The following SH3RF3 variants were observed in gnomAD, a reference collection of about 807,000 sequenced individuals.
SH3RF3 encodes SH3 domain containing ring finger 3.
In SH3RF3, 29 loss-of-function variants were observed where a neutral mutation model predicts 66.3. The ratio of observed to expected loss-of-function variants is 0.44; its 90% CI spans 0.33 to 0.60. The LOEUF (loss-of-function observed/expected upper bound fraction) is 0.60, where lower values mean the gene tolerates loss of function less well. Ranked by LOEUF, SH3RF3 falls within the 20% of genes least tolerant of loss-of-function variation. SH3RF3 has a pLI of 0.04. For synonymous variants in SH3RF3, 583 were observed against 532.0 expected (o/e 1.10, Z -1.32); for missense variants, 1,194 against 1,190.9 (o/e 1.00, Z -0.04).
At chr2:109,333,850 AATAATT>A (rs1682342349) in intron 1 of SH3RF3, among the ~76,000 whole-genome samples, 1 of 152,168 alleles carries the variant, frequency 6.6e-6, no homozygotes, top group African/African-American at 2.4e-5. Context: ...TTATAATATT[AATAATT>A]ATAATTATGA....
At chr2:109,220,768 A>C (rs1679210618) in intron 1 of SH3RF3, among the ~76,000 whole-genome samples, 1 of 152,194 alleles carries the variant, frequency 6.6e-6, no homozygotes, top group Non-Finnish European at 1.5e-5. Flanking sequence ...AGAAGATAAT[A>C]AGGGTTAGGA....
chr2:109,271,797 G>A (rs992657748), intron 1 of SH3RF3, among the ~76,000 whole-genome samples: 1 of 152,204 alleles, frequency 6.6e-6, no homozygotes. Context: ...CAATGTATCT[G>A]ACTATCTTTA....
At chr2:109,386,811 T>G (rs115365833) in intron 3 of SH3RF3, among the ~76,000 whole-genome samples, 2,161 of 152,240 alleles carry the variant, frequency 0.014, 46 homozygotes, top group African/African-American at 0.05. Context: ...TCTTAAAAAA[T>G]GACTGCATTC....
chr2:109,450,188 A>G lies in SH3RF3; in HGVS notation c.2148+699A>G, dbSNP rs1001711356. Among the ~76,000 whole-genome samples, 4 of 152,278 alleles carry G rather than the reference A, an allele frequency of 2.6e-5. No homozygotes were observed. The South Asian group carries it at 8.3e-4, about 32-fold the overall frequency. The stretch of plus-strand genomic sequence containing the variant: ...TGGCAAAACCCCATCTCTACTAAAA[A>G]TACAAAAATTAGCCAGGCATGGTGG... On this transcript the variant is annotated intron_variant, in intron 8 of 9. Transcript: ENST00000309415.
At chr2:109,496,307 GAGTGCTGATTGGTGCATTTTACAA>G (rs972971152) in intron 9 of SH3RF3, among the ~76,000 whole-genome samples, 21 of 152,234 alleles carry the variant, frequency 1.4e-4, no homozygotes, top group African/African-American at 4.3e-4. Context: ...GCATTTTACA[GAGTGCTGATTGGTGCATTTTACAA>G]TCCTCTTGCT....
intron 2 of SH3RF3, among the ~76,000 whole-genome samples, chr2:109,367,766 C>T (rs566974133): frequency 6.6e-6 from 1 of 152,188 alleles, no homozygotes; most frequent in South Asian, 2.1e-4. Context: ...TGAATGTCTT[C>T]AGTAACAAAT....
chr2:109,180,286 C>T (rs541021186), intron 1 of SH3RF3, among the ~76,000 whole-genome samples: 17 of 152,246 alleles, frequency 1.1e-4, no homozygotes, highest in African/African-American at 3.9e-4. Flanking sequence ...TCTCTGAGTC[C>T]GCTGCCTTTC....
intron 1 of SH3RF3, among the ~76,000 whole-genome samples, chr2:109,240,083 G>C (rs983466209): frequency 7.2e-5 from 11 of 152,184 alleles, no homozygotes; most frequent in African/African-American, 2.7e-4. Context: ...GTGAGTGAAG[G>C]CTGTTGTATT....
At chr2:109,251,169 A>AT (rs1207563484) in intron 1 of SH3RF3, among the ~76,000 whole-genome samples, 2 of 151,692 alleles carry the variant, frequency 1.3e-5, no homozygotes, top group Non-Finnish European at 2.9e-5. Flanking sequence ...TGCCTGGCTA[A>AT]TTTTTTTATT....
chr2:109,447,147 T>TAAAAAA (rs61240132), intron 7 of SH3RF3, among the ~76,000 whole-genome samples: 24 of 82,592 alleles, frequency 2.9e-4, no homozygotes, highest in African/African-American at 3.5e-4. Context: ...CCTGAATATT[T>TAAAAAA]AAAAAAAAAA....
chr2:109,337,486 T>C (rs565038531), intron 1 of SH3RF3, among the ~76,000 whole-genome samples: 2 of 152,226 alleles, frequency 1.3e-5, no homozygotes, highest in Non-Finnish European at 2.9e-5. Flanking sequence ...TAAGGGACTG[T>C]GCAGGCAAGG....
rs184269743 is a variant in SH3RF3, at chr2:109,247,676, A to G, written c.574-99998A>G. 5.3e-5 allele frequency among the ~76,000 whole-genome samples: 8 copies of G among 152,280 alleles called. No individual in the cohort carries two copies. The East Asian group carries it at 1.5e-3, about 29-fold the overall frequency. On this transcript the variant is annotated intron_variant, in intron 1 of 9. Transcript: ENST00000309415. ...TTAGCTCTTCCTTTGTTAGTTTCTG[A>G]TTGCCAGTGAAGGAGAACATCTTCT...
At chr2:109,130,165 G>A in intron 1 of SH3RF3, 52 bp downstream of exon 1, 1 of 1,254,548 alleles carries the variant, frequency 8.0e-7, no homozygotes, top group African/African-American at 1.6e-5. Context: ...GTGTGTGGGT[G>A]GGTGCTTGGG....
intron 8 of SH3RF3, among the ~76,000 whole-genome samples, chr2:109,464,739 A>G (rs1678295171): frequency 6.6e-6 from 1 of 152,186 alleles, no homozygotes; most frequent in Non-Finnish European, 1.5e-5. Flanking sequence ...GCTCCCACAC[A>G]TGCACAATCT....
At chr2:109,489,502 G>A (rs1679071031) in intron 8 of SH3RF3, among the ~76,000 whole-genome samples, 1 of 152,206 alleles carries the variant, frequency 6.6e-6, no homozygotes, top group South Asian at 2.1e-4. Flanking sequence ...GAAGAGCTGG[G>A]GGAGGAGAAA....
intron 1 of SH3RF3, among the ~76,000 whole-genome samples, chr2:109,163,826 A>G (rs72944093): frequency 0.03 from 4,523 of 152,236 alleles, 211 homozygotes; most frequent in African/African-American, 0.1. Flanking sequence ...CCCTCCAAAC[A>G]ATGTGTTTTC....
At chr2:109,445,674 A>G (rs963246634) in intron 7 of SH3RF3, among the ~76,000 whole-genome samples, 1 of 152,040 alleles carries the variant, frequency 6.6e-6, no homozygotes, top group African/African-American at 2.4e-5. Flanking sequence ...CAGAGAAGGT[A>G]TCAAGGATGT....
At chr2:109,378,009 C>T (rs1371350560) in intron 3 of SH3RF3, among the ~76,000 whole-genome samples, 8 of 152,210 alleles carry the variant, frequency 5.3e-5, no homozygotes, top group South Asian at 4.1e-4. Context: ...GCAGCTCCGC[C>T]GTGTTGGATT....
At chr2:109,260,838 C>T (rs569920793) in intron 1 of SH3RF3, among the ~76,000 whole-genome samples, 66 of 152,298 alleles carry the variant, frequency 4.3e-4, no homozygotes, top group African/African-American at 1.6e-3. Context: ...TCTTCCTCCC[C>T]TACAGAGAGT....
Sources: allele counts gnomAD v4.1 joint callset (sites outside exome capture counted in the v4.1 genomes callset), GRCh38; gene constraint gnomAD v4.1.1; transcripts MANE v1.5; gene names NCBI Gene and HGNC (gene_info 2026-07-23, HGNC 2026-07-21).